PLEKHF1: variants seen among roughly 807,000 people sequenced by gnomAD.
PLEKHF1 encodes pleckstrin homology domain-containing family F member 1.
PLEKHF1 carries 1 observed loss-of-function variant against 4.1 expected under a neutral mutation model. That is an observed-to-expected ratio of 0.24 (90% CI 0.09 to 1.15). The LOEUF (loss-of-function observed/expected upper bound fraction) is 1.15. PLEKHF1 is among the 50% of genes most tolerant of loss of function. The pLI is 0.52. For synonymous variants in PLEKHF1, 182 were observed against 178.5 expected (o/e 1.02, Z -0.16); for missense variants, 429 against 400.6 (o/e 1.07, Z -0.60).
In PLEKHF1 at chr19:29,674,758, A is replaced by C; in HGVS notation, c.*79A>C. 2 of 1,487,678 alleles carry C rather than the reference A, an allele frequency of 1.3e-6. No homozygotes were observed. 92.2% of individuals were successfully genotyped at this position (1,487,678 alleles called of 1,614,324 possible). On this transcript the variant is annotated 3_prime_UTR_variant, in exon 2 of 2. Transcript: ENST00000436066. ...AAGAGGGCAGCTCCAGAAGCTGCCC[A>C]GGGCTCCGGGACCCCATCCCATGGT... is the stretch of plus-strand genomic sequence containing the variant.
In PLEKHF1 at chr19:29,674,476, G is replaced by C. The variant is rs1302128957; in HGVS notation, c.637G>C (p.Ala213Pro). Residue 213 changes from alanine to proline, a missense_variant, in exon 2 of 2, where the codon GCC becomes CCC. Transcript: ENST00000436066. ...VCSLCYRELAAQQRQEEAEEQ... is the reference protein window; with the variant it reads ...VCSLCYRELAPQQRQEEAEEQ... ...CAGCCTCTGCTACCGCGAACTGGCC[G>C]CCCAGCAGCGGCAGGAGGAGGCGGA... The C allele has an allele frequency of 1.9e-6, 3 of 1,542,798 alleles. No homozygotes were observed. Among genetic ancestry groups the C allele is most frequent in the Middle Eastern group, 1.7e-4 (1 of 5,828 alleles).
In PLEKHF1 at chr19:29,674,268, G is replaced by T. The variant is rs755526498; in HGVS notation, c.429G>T (p.Thr143=). The T allele has an allele frequency of 3.1e-6, 5 of 1,602,600 alleles. No homozygotes were observed. The highest frequency in any genetic ancestry group is 3.4e-6 in the Non-Finnish European group (4 of 1,178,052). Residue 143 remains threonine (T), a synonymous_variant, in exon 2 of 2, where the codon ACG becomes ACT. Coordinates refer to ENST00000436066, the MANE Select transcript of PLEKHF1 (RefSeq NM_024310.5). ...QLRATGRPPS[T]EHAAPWIPDK... ...GGGCCACGGGCCGCCCGCCCAGCAC[G>T]GAGCACGCGGCACCCTGGATCCCCG...
intron 1 of PLEKHF1, among the ~76,000 whole-genome samples, chr19:29,669,497 T>C (rs972077892): frequency 2.6e-5 from 4 of 152,188 alleles, no homozygotes; most frequent in Admixed American, 6.5e-5. Flanking sequence ...TGACATCCCC[T>C]GCAGGTGCCC....
chr19:29,672,765 G>A (rs1971645494), intron 1 of PLEKHF1, among the ~76,000 whole-genome samples: 1 of 152,092 alleles, frequency 6.6e-6, no homozygotes. Flanking sequence ...AGTTTGAGGA[G>A]CTTATTAGAC....
In PLEKHF1 at chr19:29,674,156, A is replaced by G. The variant is rs202232423; in HGVS notation, c.317A>G (p.Lys106Arg). The stretch of plus-strand genomic sequence containing the variant: ...AACCGCTGGATGATCAAGACGGCCA[A>G]GAAGTCCTTTGTGGTGTCGGCCGCC... ...AKNRWMIKTA[K>R]KSFVVSAASA... Residue 106 changes from lysine to arginine, a missense_variant, in exon 2 of 2, where the codon AAG becomes AGG. Lys to Arg is a conservative substitution (Grantham distance 26). Transcript: ENST00000436066. 197 of 1,613,762 alleles carry G rather than the reference A, an allele frequency of 1.2e-4. 1 individual carries two copies. The East Asian group carries it at 3.3e-3, about 27-fold the overall frequency.
rs1440968175 is a variant in PLEKHF1, at chr19:29,671,099, C to G, written c.-16-2725C>G. 3.3e-5 allele frequency among the ~76,000 whole-genome samples: 5 copies of G among 150,952 alleles called. No homozygotes were observed. The highest frequency in any genetic ancestry group is 7.4e-5 in the Non-Finnish European group (5 of 67,770). On this transcript the variant is annotated intron_variant, in intron 1 of 1. Transcript: ENST00000436066. The surrounding 1 kb of genome is among the most constrained non-coding windows in gnomAD (Gnocchi z 4.0). ...ATTTATTTTTTGTTTTGTTTTTTTC[C>G]CCTCCTTTTTTTTTTTTTGAGATGG...
intron 1 of PLEKHF1, among the ~76,000 whole-genome samples, chr19:29,667,606 C>T (rs559323141): frequency 1.3e-5 from 2 of 152,232 alleles, no homozygotes; most frequent in African/African-American, 2.4e-5. Flanking sequence ...ACCTGTAACC[C>T]GAGGCAGAGC....
rs769512971 is a variant in PLEKHF1 at position 29,674,509 on chromosome 19, G to T, written c.670G>T (p.Gly224Cys). ...QQRQEEAEEQ[G>C]AGSPGQPAHL... The stretch of plus-strand genomic sequence containing the variant: ...GCGGCAGGAGGAGGCGGAGGAGCAG[G>T]GCGCGGGGTCCCCAGGGCAGCCAGC... The change falls in exon 2 of 2, where the codon GGC (glycine) becomes TGC (cysteine). Residue 224 changes from glycine (G) to cysteine (C), a missense_variant. By Grantham distance (159) the Gly-to-Cys change is radical. Coordinates refer to ENST00000436066, the MANE Select transcript of PLEKHF1 (RefSeq NM_024310.5). The T allele has an allele frequency of 3.8e-6, 6 of 1,558,710 alleles. No homozygotes were observed. In the South Asian group the frequency reaches 5.9e-5, roughly 15 times the overall value.
intron 1 of PLEKHF1, among the ~76,000 whole-genome samples, chr19:29,668,835 T>C (rs1971598496): frequency 6.6e-6 from 1 of 152,014 alleles, no homozygotes. Context: ...GTTGTGGTCA[T>C]GTAGAGAAGG....
rs775770958 is a variant in PLEKHF1, at chr19:29,674,614, G to A, written c.775G>A (p.Gly259Ser). The part of the protein sequence containing the change: ...SDEDKEGSRD[G>S]DWPSSVEFYA... ...CGAGGACAAGGAGGGCAGCAGGGACGGCGACTGGCCCAGCAGCGTGGAGTT... is the reference window on the plus strand; with the variant it reads ...CGAGGACAAGGAGGGCAGCAGGGACAGCGACTGGCCCAGCAGCGTGGAGTT... The change falls in exon 2 of 2, where the codon GGC becomes AGC. Residue 259 changes from glycine (G) to serine (S), a missense_variant. Gly to Ser is a moderately conservative substitution (Grantham distance 56, BLOSUM62 0). Coordinates refer to ENST00000436066, the MANE Select transcript of PLEKHF1 (RefSeq NM_024310.5). 61 of 1,608,944 alleles carry A rather than the reference G, an allele frequency of 3.8e-5. No individual in the cohort carries two copies. In the Admixed American group the frequency reaches 5.0e-4, roughly 13 times the overall value.
Position 29,674,589 on chromosome 19 carries a change from C to A in PLEKHF1, c.750C>A (p.Asp250Glu), listed in dbSNP as rs199506253. ...GASSGDDDDS[D>E]EDKEGSRDGD... ...CCAGTGGAGATGACGATGACTCCGA[C>A]GAGGACAAGGAGGGCAGCAGGGACG... is the stretch of plus-strand genomic sequence containing the variant. The change falls in exon 2 of 2, where the codon GAC (aspartate) becomes GAA (glutamate). Residue 250 changes from aspartate (D) to glutamate (E), a missense_variant. By Grantham distance (45) the Asp-to-Glu change is conservative. Transcript: ENST00000436066. 1.2e-6 allele frequency: 2 copies of A among 1,605,696 alleles called. No individual in the cohort carries two copies. Among genetic ancestry groups the A allele is most frequent in the East Asian group, 2.2e-5 (1 of 44,474 alleles).
chr19:29,673,740 G>A, intron 1 of PLEKHF1, 84 bp from the exon 2 acceptor site: 5 of 1,521,840 alleles, frequency 3.3e-6, no homozygotes, highest in Non-Finnish European at 4.4e-6. Context: ...GGCATGGTGG[G>A]TTAGTCAGTT....
rs751584588 is a variant in PLEKHF1 at position 29,674,949 on chromosome 19, C to T, written c.*270C>T. The T allele has an allele frequency of 5.9e-5, 27 of 459,840 alleles. No homozygotes were observed. Among genetic ancestry groups the T allele is most frequent in the Admixed American group, 7.7e-5 (2 of 25,846 alleles). 28.5% of individuals were successfully genotyped at this position (459,840 alleles called of 1,614,324 possible). A position where few individuals can be genotyped will look rare whatever the true frequency, so the allele number is the denominator to read the frequency against. ...CCACCTTACACTCTGCAGGCTGCAGCGGCAGCTCCAGATGGCCTCCTGAGC... is the reference window on the plus strand; with the variant it reads ...CCACCTTACACTCTGCAGGCTGCAGTGGCAGCTCCAGATGGCCTCCTGAGC... On this transcript the variant is annotated 3_prime_UTR_variant, in exon 2 of 2. Transcript: ENST00000436066.
rs543873432 is a variant in PLEKHF1, at chr19:29,666,052, C to T, written c.-17+547C>T. ...CCAAGGGAAACAGGGTCGGGCACTG[C>T]TCCCATCTCAGAGAGGAAACTATTG... On this transcript the variant is annotated intron_variant, in intron 1 of 1. Transcript: ENST00000436066. 2.2e-4 allele frequency among the ~76,000 whole-genome samples: 33 copies of T among 152,234 alleles called. 1 individual carries two copies. In the East Asian group the frequency reaches 6.4e-3, roughly 30 times the overall value.
Position 29,674,757 on chromosome 19 carries a change from C to T in PLEKHF1, c.*78C>T. 1 of 1,489,376 alleles carries T rather than the reference C, an allele frequency of 6.7e-7. No individual in the cohort carries two copies. The highest frequency in any genetic ancestry group is 2.4e-5 in the Admixed American group (1 of 41,488). 92.3% of individuals were successfully genotyped at this position (1,489,376 alleles called of 1,614,324 possible). On this transcript the variant is annotated 3_prime_UTR_variant, in exon 2 of 2. Transcript: ENST00000436066. ...CAAGAGGGCAGCTCCAGAAGCTGCC[C>T]AGGGCTCCGGGACCCCATCCCATGG...
At chr19:29,665,612 G>A (rs907212222) in intron 1 of PLEKHF1, 107 bp downstream of exon 1, 6 of 1,189,554 alleles carry the variant, frequency 5.0e-6, no homozygotes, top group African/African-American at 1.7e-5. Flanking sequence ...CCCGCCGCGC[G>A]GTCTTGGCGG....
chr19:29,674,431 C>A lies in PLEKHF1; in HGVS notation c.592C>A (p.Pro198Thr). The A allele has an allele frequency of 6.5e-7, 1 of 1,532,518 alleles. No homozygotes were observed. 94.9% of individuals were successfully genotyped at this position (1,532,518 alleles called of 1,614,324 possible). A position where few individuals can be genotyped will look rare whatever the true frequency, so the allele number is the denominator to read the frequency against. The change falls in exon 2 of 2, where the codon CCC becomes ACC. Residue 198 changes from proline to threonine, a missense_variant. Physicochemically the swap from Pro to Thr is conservative, Grantham distance 38. Transcript: ENST00000436066. ...GCGCTTCCTGCTCCCGCGCCTGTCCCCCAAGCCCGTGCGCGTCTGCAGCCT... is the reference window on the plus strand; with the variant it reads ...GCGCTTCCTGCTCCCGCGCCTGTCCACCAAGCCCGTGCGCGTCTGCAGCCT... ...RQRFLLPRLS[P>T]KPVRVCSLCY...
At chr19:29,668,066 G>A (rs1696308684) in intron 1 of PLEKHF1, among the ~76,000 whole-genome samples, 1 of 152,176 alleles carries the variant, frequency 6.6e-6, no homozygotes, top group African/African-American at 2.4e-5. Flanking sequence ...GGGGCTCTCA[G>A]GATGTGGCTC....
rs1303690050 is a variant in PLEKHF1 at position 29,674,652 on chromosome 19, G to A, written c.813G>A (p.Gly271=). 1.2e-6 allele frequency: 2 copies of A among 1,608,630 alleles called. No homozygotes were observed. Among genetic ancestry groups the A allele is most frequent in the South Asian group, 1.1e-5 (1 of 90,570 alleles). ...WPSSVEFYAS[G]VAWSAFHS ...GCAGCGTGGAGTTCTACGCCTCGGG[G>A]GTGGCCTGGTCTGCCTTCCACAGCT... The change falls in exon 2 of 2, where the codon GGG becomes GGA. Residue 271 remains glycine, a synonymous_variant. Coordinates refer to ENST00000436066, the MANE Select transcript of PLEKHF1 (RefSeq NM_024310.5).
Sources: allele counts gnomAD v4.1 joint callset (sites outside exome capture counted in the v4.1 genomes callset), GRCh38; gene constraint gnomAD v4.1.1; non-coding constraint Gnocchi (gnomAD v3.1); transcripts MANE v1.5; gene names NCBI Gene and HGNC (gene_info 2026-07-23, HGNC 2026-07-21).